Variants in MAP7 observed in about 807,000 individuals in gnomAD.
MAP7 encodes the protein microtubule associated protein 7.
MAP7 carries 52 observed loss-of-function variants against 94.8 expected under a neutral mutation model. The ratio of observed to expected loss-of-function variants is 0.55; its 90% CI spans 0.44 to 0.69. The LOEUF (loss-of-function observed/expected upper bound fraction) is 0.69, where lower values mean the gene tolerates loss of function less well. Among genes scored for constraint, MAP7 ranks in the 30% least tolerant of loss-of-function variants. MAP7 has a pLI of 0.00. For synonymous variants in MAP7, 350 were observed against 357.0 expected (o/e 0.98, Z 0.22); for missense variants, 940 against 964.6 (o/e 0.97, Z 0.34).
chr6:136,423,791 T>TTTG (rs1554252896), intron 1 of MAP7, among the ~76,000 whole-genome samples: 1 of 141,468 alleles, frequency 7.1e-6, no homozygotes, highest in Admixed American at 7.1e-5. Flanking sequence ...TGTTTTTTTT[T>TTTG]TTTGTTTTTT....
intron 1 of MAP7, among the ~76,000 whole-genome samples, chr6:136,489,051 G>C (rs1815666901): frequency 6.6e-6 from 1 of 152,106 alleles, no homozygotes; most frequent in South Asian, 2.1e-4. Context: ...ACCACATCCA[G>C]CTCCGATTTC....
chr6:136,350,808 T>C (rs1221930778), intron 16 of MAP7, among the ~76,000 whole-genome samples: 2 of 152,188 alleles, frequency 1.3e-5, no homozygotes, highest in African/African-American at 4.8e-5. Context: ...CAGTGAGCCA[T>C]GCTCGTACCA....
rs141653860 is a variant in MAP7 at position 136,531,840 on chromosome 6, C to T, written c.67+18502G>A. Among the ~76,000 whole-genome samples the T allele has an allele frequency of 3.0e-3, 453 of 151,848 alleles. 9 individuals are homozygous for T. Among genetic ancestry groups the T allele is most frequent in the Non-Finnish European group, 2.6e-4 (18 of 67,942 alleles). On this transcript the variant is annotated intron_variant, in intron 1 of 17. Coordinates refer to ENST00000354570, the MANE Select transcript of MAP7 (RefSeq NM_003980.6). ...TCCAGATGAAAGATGGAGAAGTGGGCAATGCAAAGAAAGGTAGTTATGTTT... is the reference window on the plus strand; with the variant it reads ...TCCAGATGAAAGATGGAGAAGTGGGTAATGCAAAGAAAGGTAGTTATGTTT...
At chr6:136,466,420 T>C (rs1807086462) in intron 1 of MAP7, among the ~76,000 whole-genome samples, 1 of 152,128 alleles carries the variant, frequency 6.6e-6, no homozygotes, top group Admixed American at 6.5e-5. Flanking sequence ...CTGTTCAGCT[T>C]CTCACTTTGT....
intron 3 of MAP7, 50 bp from the exon 4 acceptor site, chr6:136,389,567 A>T (rs1200448637): frequency 6.3e-6 from 10 of 1,576,226 alleles, no homozygotes; most frequent in Non-Finnish European, 8.6e-6. Flanking sequence ...AAATATAGGC[A>T]GGTTGCAAAC....
chr6:136,526,932 T>C (rs1419946684), intron 1 of MAP7, among the ~76,000 whole-genome samples: 1 of 152,096 alleles, frequency 6.6e-6, no homozygotes, highest in Non-Finnish European at 1.5e-5. Flanking sequence ...TGAAACCCTC[T>C]GGTGAAGACA....
Position 136,515,961 on chromosome 6 carries a change from C to T in MAP7, c.67+34381G>A, listed in dbSNP as rs148888001. Among the ~76,000 whole-genome samples, 607 of 152,148 alleles carry T rather than the reference C, an allele frequency of 4.0e-3. 5 individuals are homozygous for T. The highest frequency in any genetic ancestry group is 0.014 in the African/African-American group (579 of 41,500). ...CCATGAAGCACAATAAAAGAAAGTA[C>T]GTGCATACTAGACTCTGTATTAGTT... On this transcript the variant is annotated intron_variant, in intron 1 of 17. Transcript: ENST00000354570.
chr6:136,488,875 T>C (rs894221167), intron 1 of MAP7, among the ~76,000 whole-genome samples: 1 of 152,214 alleles, frequency 6.6e-6, no homozygotes, highest in African/African-American at 2.4e-5. Flanking sequence ...CAGACAATGC[T>C]TACCCTCACC....
intron 3 of MAP7, among the ~76,000 whole-genome samples, chr6:136,393,798 ATTTT>A (rs61666828): frequency 1.8e-4 from 15 of 84,426 alleles, no homozygotes; most frequent in South Asian, 4.8e-4. Flanking sequence ...ATTCAGCAAA[ATTTT>A]TTTTTTTTTT....
chr6:136,425,980 C>G (rs1346352098), intron 1 of MAP7, among the ~76,000 whole-genome samples: 2 of 152,170 alleles, frequency 1.3e-5, no homozygotes, highest in Non-Finnish European at 2.9e-5. Context: ...TCTACCACTT[C>G]TTTTTCCTTT....
chr6:136,486,313 T>C (rs1305273679), intron 1 of MAP7, among the ~76,000 whole-genome samples: 1 of 152,198 alleles, frequency 6.6e-6, no homozygotes, highest in African/African-American at 2.4e-5. Context: ...GCTCCTTCCC[T>C]GGCAAAAGCA....
chr6:136,399,197 A>G (rs1054157923), intron 3 of MAP7, among the ~76,000 whole-genome samples: 9 of 152,158 alleles, frequency 5.9e-5, no homozygotes, highest in Non-Finnish European at 7.4e-5. Context: ...ATTCTGTGTG[A>G]TCTTGGGAAA....
intron 1 of MAP7, among the ~76,000 whole-genome samples, chr6:136,471,568 C>T (rs940359602): frequency 2.0e-5 from 3 of 151,742 alleles, no homozygotes; most frequent in East Asian, 1.9e-4. Flanking sequence ...TTTTTTTAGC[C>T]CAAGTTATAT....
At chr6:136,354,708 G>A (rs1343041496) in intron 16 of MAP7, among the ~76,000 whole-genome samples, 1 of 151,932 alleles carries the variant, frequency 6.6e-6, no homozygotes, top group East Asian at 1.9e-4. Flanking sequence ...GGTAAAGATG[G>A]ATGACACCAG....
intron 13 of MAP7, 37 bp from the exon 14 acceptor site, chr6:136,360,068 A>G (rs1382036418): frequency 6.5e-7 from 1 of 1,546,642 alleles, no homozygotes; most frequent in Non-Finnish European, 8.8e-7. Flanking sequence ...AAGATTAGAC[A>G]CAGAAAAAAA....
chr6:136,549,572 G>C (rs1829978559), intron 1 of MAP7, among the ~76,000 whole-genome samples: 1 of 152,212 alleles, frequency 6.6e-6, no homozygotes, highest in Non-Finnish European at 1.5e-5. Context: ...GCCCCTGGAG[G>C]TTGTGGGGGA....
At chr6:136,411,736 G>C in intron 2 of MAP7, 39 bp from the exon 3 acceptor site, 1 of 1,416,838 alleles carries the variant, frequency 7.1e-7, no homozygotes, top group Non-Finnish European at 9.5e-7. Context: ...ATGAAGAGTG[G>C]ATTAAAAAAA....
chr6:136,381,124 T>C (rs1288353586), intron 6 of MAP7, among the ~76,000 whole-genome samples: 1 of 152,238 alleles, frequency 6.6e-6, no homozygotes, highest in African/African-American at 2.4e-5. Context: ...TATAACTAAC[T>C]TTTAAAAATA....
chr6:136,424,872 AATGT>A (rs1401124950), intron 1 of MAP7, among the ~76,000 whole-genome samples: 2 of 152,246 alleles, frequency 1.3e-5, no homozygotes, highest in East Asian at 3.8e-4. Flanking sequence ...CCACAAGGAT[AATGT>A]ATTTCAGTCA....
Sources: allele counts gnomAD v4.1 joint callset (sites outside exome capture counted in the v4.1 genomes callset), GRCh38; gene constraint gnomAD v4.1.1; transcripts MANE v1.5; gene names NCBI Gene and HGNC (gene_info 2026-07-23, HGNC 2026-07-21).